The following NPHP1 variants were observed in gnomAD, a reference collection of about 807,000 sequenced individuals.
NPHP1 encodes the protein nephrocystin 1, also known as nephrocystin-1.
In NPHP1, 70 loss-of-function variants were observed where a neutral mutation model predicts 90.4. That is an observed-to-expected ratio of 0.77 (90% CI 0.64 to 0.95). The LOEUF (loss-of-function observed/expected upper bound fraction) is 0.95. Ranked by LOEUF, NPHP1 falls within the 40% of genes least tolerant of loss-of-function variation. NPHP1 has a pLI of 0.00. For missense variants in NPHP1, 764 were observed against 795.9 expected (o/e 0.96, Z 0.48); for synonymous variants, 256 against 271.7 (o/e 0.94, Z 0.57).
At chr2:110,156,073 CT>C (rs35055335) in intron 11 of NPHP1, among the ~76,000 whole-genome samples, 187 of 141,980 alleles carry the variant, frequency 1.3e-3, no homozygotes, top group Middle Eastern at 3.6e-3. Context: ...GCAGGTCTTT[CT>C]TTTTTTTTTT....
rs1684588102 is a variant in NPHP1, at chr2:110,189,981, C to CA, written c.144-10298dup. 2.0e-5 allele frequency among the ~76,000 whole-genome samples: 3 copies of CA among 152,258 alleles called. No individual in the cohort carries two copies. In the South Asian group the frequency reaches 6.2e-4, roughly 32 times the overall value. ...TAGACATAAAGGTTCTCCAAGGCTC[C>CA]ACCAGAGTAGCTAGATACAGAGTGT... On this transcript the variant is annotated intron_variant, in intron 2 of 19. Coordinates refer to ENST00000445609, the MANE Select transcript of NPHP1 (RefSeq NM_001128178.3).
chr2:110,198,276 T>A (rs1190737263), intron 2 of NPHP1, among the ~76,000 whole-genome samples: 1 of 152,092 alleles, frequency 6.6e-6, no homozygotes, highest in African/African-American at 2.4e-5. Context: ...AACTAAATCA[T>A]AGAGGGACAC....
At chr2:110,166,307 A>G (rs1175149223) in intron 6 of NPHP1, among the ~76,000 whole-genome samples, 1 of 152,218 alleles carries the variant, frequency 6.6e-6, no homozygotes, top group Non-Finnish European at 1.5e-5. Context: ...TGATGACAAC[A>G]CAAGTTGCTG....
intron 4 of NPHP1, among the ~76,000 whole-genome samples, chr2:110,171,052 C>T (rs995114078): frequency 6.6e-6 from 1 of 151,888 alleles, no homozygotes; most frequent in Non-Finnish European, 1.5e-5. Context: ...ATGTGGGGAA[C>T]AGATTAGAAG....
intron 2 of NPHP1, among the ~76,000 whole-genome samples, chr2:110,196,323 C>T (rs147832939): frequency 0.043 from 6,501 of 152,106 alleles, 457 homozygotes; most frequent in African/African-American, 0.15. Flanking sequence ...AAACAAACGA[C>T]GCCATCAAAA....
rs769266828 is a variant in NPHP1, at chr2:110,123,956, CTCT to C, written c.1866_1868del (p.Glu623del). ...TAACTTTCCACCGTGCAGTCTCAGT[CTCT>C]TCTTCTGCCCACCTGAATGGGGGTA... On this transcript the variant is annotated inframe_deletion, in exon 20 of 20. Coordinates refer to ENST00000445609, the MANE Select transcript of NPHP1 (RefSeq NM_001128178.3). 82 of 1,614,050 alleles carry C rather than the reference CTCT, an allele frequency of 5.1e-5. 1 individual carries two copies. The highest frequency in any genetic ancestry group is 6.6e-5 in the Non-Finnish European group (78 of 1,180,030).
At chr2:110,186,103 T>C (rs1684265265) in intron 2 of NPHP1, among the ~76,000 whole-genome samples, 1 of 152,156 alleles carries the variant, frequency 6.6e-6, no homozygotes, top group East Asian at 1.9e-4. Context: ...TCCCTGCTGA[T>C]GGTAAGCGGA....
chr2:110,194,479 G>C (rs1396422358), intron 2 of NPHP1, among the ~76,000 whole-genome samples: 1 of 152,186 alleles, frequency 6.6e-6, no homozygotes, highest in South Asian at 2.1e-4. Flanking sequence ...TCTCTGAATA[G>C]ACCAATAACA....
intron 2 of NPHP1, among the ~76,000 whole-genome samples, chr2:110,199,926 T>A (rs1685448302): frequency 6.6e-6 from 1 of 152,132 alleles, no homozygotes; most frequent in Admixed American, 6.5e-5. Flanking sequence ...AATCTTCTTT[T>A]CATGCACAGA....
At chr2:110,190,509 G>A (rs1025677062) in intron 2 of NPHP1, among the ~76,000 whole-genome samples, 21 of 152,160 alleles carry the variant, frequency 1.4e-4, no homozygotes, top group African/African-American at 4.6e-4. Flanking sequence ...CGGAGCCCAC[G>A]CCCACCCGGA....
intron 14 of NPHP1, among the ~76,000 whole-genome samples, chr2:110,145,200 AAAG>A (rs1360759439): frequency 6.6e-6 from 1 of 152,188 alleles, no homozygotes; most frequent in East Asian, 1.9e-4. Flanking sequence ...CTAAGTGTAG[AAAG>A]AAGAAGGTAA....
At position 110,169,799 on chromosome 2, in the gene NPHP1, T is replaced by C. The variant is rs755314398; in HGVS notation, c.522+7A>G. 1.3e-6 allele frequency: 2 copies of C among 1,598,140 alleles called. No homozygotes were observed. Among genetic ancestry groups the C allele is most frequent in the Admixed American group, 1.7e-5 (1 of 59,992 alleles). On this transcript the variant is annotated splice_region_variant and intron_variant, in intron 5 of 19. Transcript: ENST00000445609. ...CTTAGGTTAGGTTTCAGTCTTATTC[T>C]ACCTACCTTAAATGTAAGATCTCCA...
intron 1 of NPHP1, among the ~76,000 whole-genome samples, chr2:110,201,885 A>G (rs1045002928): frequency 4.6e-5 from 7 of 152,320 alleles, no homozygotes; most frequent in African/African-American, 1.7e-4. Flanking sequence ...ATTCTTATCA[A>G]GATGTAGAAA....
chr2:110,123,778 G>C lies in NPHP1; in HGVS notation c.*13C>G. 1 of 1,613,380 alleles carries C rather than the reference G, an allele frequency of 6.2e-7. No individual in the cohort carries two copies. The highest frequency in any genetic ancestry group is 8.5e-7 in the Non-Finnish European group (1 of 1,179,718). ...TGATTCCGTGGGAAGCTGAGGGCTA[G>C]AGGCTGCCACTGTCACACTGCATTC... is the stretch of plus-strand genomic sequence containing the variant. On this transcript the variant is annotated 3_prime_UTR_variant, in exon 20 of 20. Transcript: ENST00000445609.
chr2:110,161,489 A>C (rs1306804725), intron 10 of NPHP1, 114 bp downstream of exon 10: 2 of 706,336 alleles, frequency 2.8e-6, no homozygotes, highest in African/African-American at 1.8e-5. Context: ...AAATTATCAT[A>C]AACAATTTTT....
chr2:110,145,053 C>T (rs1321341799), intron 14 of NPHP1, among the ~76,000 whole-genome samples: 2 of 152,046 alleles, frequency 1.3e-5, no homozygotes, highest in Admixed American at 6.6e-5. Flanking sequence ...CTCCCCATGC[C>T]GCCTTCTCTA....
At chr2:110,130,860 C>T (rs1245572545) in intron 17 of NPHP1, among the ~76,000 whole-genome samples, 1 of 152,158 alleles carries the variant, frequency 6.6e-6, no homozygotes, top group Non-Finnish European at 1.5e-5. Context: ...ATCAAGTCTT[C>T]CCAGTGCATG....
intron 2 of NPHP1, among the ~76,000 whole-genome samples, chr2:110,191,917 CA>C (rs201762465): frequency 0.3 from 45,051 of 151,976 alleles, 7,297 homozygotes; most frequent in East Asian, 0.54. Context: ...GGACCTCCGG[CA>C]AACTCCAACA....
intron 1 of NPHP1, among the ~76,000 whole-genome samples, chr2:110,203,417 T>C (rs1438302404): frequency 6.6e-6 from 1 of 152,092 alleles, no homozygotes; most frequent in Non-Finnish European, 1.5e-5. Flanking sequence ...AAAATAAAAG[T>C]TGAAATTTTA....
Sources: gnomAD v4.1 joint callset for allele counts (sites outside exome capture counted in the v4.1 genomes callset) on GRCh38, gnomAD v4.1.1 for gene constraint, MANE v1.5 for transcripts, NCBI Gene and HGNC (gene_info 2026-07-23, HGNC 2026-07-21) for gene names.